SHISAL2A: variants seen among roughly 807,000 people sequenced by gnomAD.
SHISAL2A encodes protein shisa-like-2A.
Under a neutral mutation model 11.5 loss-of-function variants are expected in SHISAL2A, and 18 were observed. The ratio of observed to expected loss-of-function variants is 1.57; its 90% CI spans 1.08 to 2.33. The LOEUF (loss-of-function observed/expected upper bound fraction) is 2.33, where lower values mean the gene tolerates loss of function less well. Among genes scored for constraint, SHISAL2A ranks in the 30% most tolerant of loss-of-function variants. The pLI is 0.00. For synonymous variants in SHISAL2A, 94 were observed against 99.6 expected (o/e 0.94, Z 0.34); for missense variants, 261 against 250.9 (o/e 1.04, Z -0.27).
chr1:52,663,984 G>C (rs1312044497), intron 4 of SHISAL2A, among the ~76,000 whole-genome samples: 2 of 152,106 alleles, frequency 1.3e-5, no homozygotes, highest in Admixed American at 6.6e-5. Context: ...TCATATTTTT[G>C]AGCATTGCAA....
At chr1:52,662,687 A>G (rs1691931785) in intron 4 of SHISAL2A, among the ~76,000 whole-genome samples, 1 of 151,862 alleles carries the variant, frequency 6.6e-6, no homozygotes, top group Non-Finnish European at 1.5e-5. Flanking sequence ...TTAGGGCTCC[A>G]AGGGCTCTGG....
At position 52,645,736 on chromosome 1, in the gene SHISAL2A, A is replaced by G. The variant is rs111333757; in HGVS notation, c.322+2734A>G. Among the ~76,000 whole-genome samples the G allele has an allele frequency of 1.3e-3, 200 of 152,344 alleles. 2 individuals carry two copies. The highest frequency in any genetic ancestry group is 4.6e-3 in the African/African-American group (190 of 41,576). The stretch of plus-strand genomic sequence containing the variant: ...TTTCAACTTTTATAGAGGTCAATGA[A>G]AGACATAAAAGAACCTGACTATATG... On this transcript the variant is annotated intron_variant, in intron 2 of 2. Transcript: ENST00000517870.
chr1:52,662,855 T>G (rs2149895296), intron 4 of SHISAL2A, among the ~76,000 whole-genome samples: 1 of 152,310 alleles, frequency 6.6e-6, no homozygotes, highest in East Asian at 1.9e-4. Flanking sequence ...GGAAGACTGC[T>G]AGGTTAAATA....
Position 52,633,748 on chromosome 1 carries a change from C to G in SHISAL2A, c.182+73C>G. ...GCGCCTTCACCCCAGCCTCAGCCCC[C>G]ACCCGAGTGTCCACCTGAACATCAG... On this transcript the variant is annotated intron_variant, in intron 1 of 2. Transcript: ENST00000517870. This position sits in a 1 kb window ranked among gnomAD's most constrained non-coding sequence, Gnocchi z 6.4. 3 of 1,281,284 alleles carry G rather than the reference C, an allele frequency of 2.3e-6. No homozygotes were observed. The highest frequency in any genetic ancestry group is 3.3e-6 in the Non-Finnish European group (3 of 900,972). The allele number at this position is 1,281,284 out of a possible 1,614,324, so 79.4% of individuals were successfully genotyped here.
downstream of SHISAL2A, among the ~76,000 whole-genome samples, chr1:52,661,986 T>C (rs1691915127): frequency 6.6e-6 from 1 of 151,700 alleles, no homozygotes; most frequent in South Asian, 2.1e-4. Context: ...TGATCTGAGA[T>C]TGCGCCACTG....
At chr1:52,650,886 C>T (rs921336377) in intron 2 of SHISAL2A, among the ~76,000 whole-genome samples, 3 of 151,704 alleles carry the variant, frequency 2.0e-5, no homozygotes, top group South Asian at 4.2e-4. Flanking sequence ...CCCAGGTGAT[C>T]CACCCGTCTC....
chr1:52,648,959 C>T (rs548662976), intron 2 of SHISAL2A, among the ~76,000 whole-genome samples: 28 of 152,276 alleles, frequency 1.8e-4, no homozygotes, highest in Non-Finnish European at 2.8e-4. Flanking sequence ...TATTCAGTCA[C>T]GAGAATTTGA....
intron 2 of SHISAL2A, among the ~76,000 whole-genome samples, chr1:52,643,582 C>T (rs764395271): frequency 2.0e-5 from 3 of 152,128 alleles, no homozygotes; most frequent in Non-Finnish European, 4.4e-5. Context: ...GGGCTAGGCG[C>T]GGTGGCTCAC....
chr1:52,656,938 C>T lies in SHISAL2A; in HGVS notation c.471C>T (p.Leu157=). The T allele has an allele frequency of 6.2e-7, 1 of 1,614,188 alleles. No individual in the cohort carries two copies. Among genetic ancestry groups the T allele is most frequent in the Non-Finnish European group, 8.5e-7 (1 of 1,180,028 alleles). Residue 157 remains leucine, a synonymous_variant, in exon 3 of 3, where the codon CTC becomes CTT. Transcript: ENST00000517870. ...GGCAGGCTGTGAACTCCAAACGCCT[C>T]CTCCATCATTGCTTCATGGCCACAG... ...NEGQAVNSKR[L]LHHCFMATVT... is the part of the protein sequence containing the mutation.
intron 4 of SHISAL2A, among the ~76,000 whole-genome samples, chr1:52,664,598 T>C (rs1691974447): frequency 6.6e-6 from 1 of 152,210 alleles, no homozygotes; most frequent in African/African-American, 2.4e-5. Flanking sequence ...CCTCAGGTGA[T>C]CTGCCCGCCT....
rs1435861844 is a variant in SHISAL2A, at chr1:52,656,687, A to G, written c.323-103A>G. On this transcript the variant is annotated intron_variant, in intron 2 of 2. Transcript: ENST00000517870. ...AACAAATGATGCTTCTAAGGCTCTG[A>G]CCACAGTGCACTGCCCAAGGTAAGC... 10 of 1,266,628 alleles carry G rather than the reference A, an allele frequency of 7.9e-6. 1 individual carries two copies. In the Admixed American group the frequency reaches 2.3e-4, roughly 29 times the overall value. 78.5% of individuals were successfully genotyped at this position (1,266,628 alleles called of 1,614,324 possible). A position where few individuals can be genotyped will look rare whatever the true frequency, so the allele number is the denominator to read the frequency against.
chr1:52,649,763 A>G (rs1318536259), intron 2 of SHISAL2A, among the ~76,000 whole-genome samples: 1 of 152,208 alleles, frequency 6.6e-6, no homozygotes, highest in East Asian at 1.9e-4. Context: ...AGATGAGGTC[A>G]GTGAGGTGAG....
chr1:52,638,129 C>G (rs1691277868), intron 1 of SHISAL2A, among the ~76,000 whole-genome samples: 1 of 152,154 alleles, frequency 6.6e-6, no homozygotes, highest in Admixed American at 6.5e-5. Context: ...GAGTTTAGTT[C>G]CTCTGTCACC....
chr1:52,656,469 A>G (rs1020334885), intron 2 of SHISAL2A, among the ~76,000 whole-genome samples: 6 of 152,338 alleles, frequency 3.9e-5, no homozygotes, highest in Non-Finnish European at 8.8e-5. Context: ...TACTAGCTGT[A>G]TGGTAATCCT....
At chr1:52,642,432 T>C (rs902808657) in intron 1 of SHISAL2A, among the ~76,000 whole-genome samples, 2 of 151,488 alleles carry the variant, frequency 1.3e-5, no homozygotes, top group African/African-American at 2.4e-5. Flanking sequence ...ACACTAATTT[T>C]TTTTTTTTTT....
chr1:52,663,189 G>C (rs1241833928), intron 4 of SHISAL2A, among the ~76,000 whole-genome samples: 1 of 152,058 alleles, frequency 6.6e-6, no homozygotes, highest in Non-Finnish European at 1.5e-5. Flanking sequence ...GTCCTCCCGG[G>C]CTGATCAACT....
At chr1:52,644,583 GTGTGGTGGCAGGCACC>G (rs1336547405) in intron 2 of SHISAL2A, among the ~76,000 whole-genome samples, 1 of 152,186 alleles carries the variant, frequency 6.6e-6, no homozygotes, top group Non-Finnish European at 1.5e-5. Context: ...AATTAGCTGG[GTGTGGTGGCAGGCACC>G]TGTAATCCCA....
Position 52,637,091 on chromosome 1 carries a change from G to C in SHISAL2A, c.182+3416G>C, listed in dbSNP as rs188758022. Among the ~76,000 whole-genome samples, 25 of 152,282 alleles carry C rather than the reference G, an allele frequency of 1.6e-4. No individual in the cohort carries two copies. In the East Asian group the frequency reaches 2.7e-3, roughly 16 times the overall value. On this transcript the variant is annotated intron_variant, in intron 1 of 2. Coordinates refer to ENST00000517870, the MANE Select transcript of SHISAL2A (RefSeq NM_001042693.3). The stretch of plus-strand genomic sequence containing the variant: ...GGCATGCTTTAGTGGCTCAGACAAT[G>C]CTTTCTTCGGGGGTTGGATGGGCTG...
At chr1:52,648,813 C>G (rs1049405904) in intron 2 of SHISAL2A, among the ~76,000 whole-genome samples, 1 of 152,108 alleles carries the variant, frequency 6.6e-6, no homozygotes, top group South Asian at 2.1e-4. Context: ...GGCTTGTGCT[C>G]TGTGCTCCTA....
Sources: allele counts gnomAD v4.1 joint callset (sites outside exome capture counted in the v4.1 genomes callset), GRCh38; gene constraint gnomAD v4.1.1; non-coding constraint Gnocchi (gnomAD v3.1); transcripts MANE v1.5; gene names NCBI Gene and HGNC (gene_info 2026-07-23, HGNC 2026-07-21).